WDR49: variants seen among roughly 807,000 people sequenced by gnomAD.
WDR49 encodes WD repeat domain 49.
In WDR49, 107 loss-of-function variants were observed where a neutral mutation model predicts 119.5. The ratio of observed to expected loss-of-function variants is 0.90; its 90% CI spans 0.77 to 1.05. The LOEUF (loss-of-function observed/expected upper bound fraction) is 1.05, where lower values mean the gene tolerates loss of function less well. Ranked by LOEUF, WDR49 falls within the 50% of genes least tolerant of loss-of-function variation. WDR49 has a pLI of 0.00. For missense variants in WDR49, 1,240 were observed against 1,220.5 expected, an observed-to-expected ratio of 1.02 and a Z score of -0.24; for synonymous variants, 425 against 418.8, an observed-to-expected ratio of 1.01 and a Z score of -0.18.
intron 13 of WDR49, among the ~76,000 whole-genome samples, chr3:167,530,900 CTGGA>C (rs1371980519): frequency 3.9e-5 from 6 of 152,182 alleles, no homozygotes; most frequent in South Asian, 2.1e-4. Flanking sequence ...ATATACAACA[CTGGA>C]TAAATTAGTA....
At chr3:167,548,311 T>C (rs184186502) in intron 10 of WDR49, among the ~76,000 whole-genome samples, 1 of 152,146 alleles carries the variant, frequency 6.6e-6, no homozygotes, top group Non-Finnish European at 1.5e-5. Context: ...TCGGCACTTG[T>C]ACAGTTTGAT....
chr3:167,548,549 CTA>C (rs1034214762), intron 10 of WDR49, among the ~76,000 whole-genome samples: 1 of 151,892 alleles, frequency 6.6e-6, no homozygotes. Flanking sequence ...CTTAAGTAGT[CTA>C]TTTTATTATA....
At chr3:167,523,376 T>C (rs1043545789) in intron 15 of WDR49, among the ~76,000 whole-genome samples, 3 of 144,644 alleles carry the variant, frequency 2.1e-5, no homozygotes, top group African/African-American at 7.8e-5. Context: ...AGGAATGACA[T>C]ACATTCTTTT....
intron 18 of WDR49, among the ~76,000 whole-genome samples, chr3:167,495,349 T>TAC (rs1454713104): frequency 3.5e-5 from 5 of 143,536 alleles, no homozygotes; most frequent in Non-Finnish European, 7.5e-5. Flanking sequence ...ACTGAAAGTA[T>TAC]ATAAATATGT....
At chr3:167,635,025 G>C (rs1288795257) in intron 2 of WDR49, among the ~76,000 whole-genome samples, 4 of 151,456 alleles carry the variant, frequency 2.6e-5, no homozygotes, top group Non-Finnish European at 4.4e-5. Flanking sequence ...TTTAATGGCT[G>C]CACAATATTT....
intron 2 of WDR49, among the ~76,000 whole-genome samples, chr3:167,630,189 C>T (rs1356657313): frequency 1.3e-5 from 2 of 152,034 alleles, no homozygotes; most frequent in Middle Eastern, 3.2e-3. Context: ...ATTGCCACAG[C>T]CGTCTCAATC....
chr3:167,581,146 C>A (rs1229449741), intron 7 of WDR49, among the ~76,000 whole-genome samples: 1 of 152,070 alleles, frequency 6.6e-6, no homozygotes, highest in Non-Finnish European at 1.5e-5. Context: ...TATATTAAGG[C>A]AAATAAATTT....
rs78313311 is a variant in WDR49, at chr3:167,621,006, GC to G, written c.784-404del. 8.2e-3 allele frequency among the ~76,000 whole-genome samples: 1,251 copies of G among 152,102 alleles called. 89 individuals carry two copies. The East Asian group carries it at 0.17, about 21-fold the overall frequency. ...TATCCAATATCTAGGTTTCAGAGCT[GC>G]CCTCTCTAATCCTTTTGTTATATGA... On this transcript the variant is annotated intron_variant, in intron 4 of 18. Transcript: ENST00000682715.
intron 16 of WDR49, among the ~76,000 whole-genome samples, chr3:167,514,628 GACACACACACACACACAC>G (rs59265631): frequency 1.7e-4 from 24 of 141,034 alleles, no homozygotes; most frequent in Middle Eastern, 7.1e-3. Flanking sequence ...AGGAGATGCA[GACACACACACACACACAC>G]ACACACACAC....
upstream of WDR49, among the ~76,000 whole-genome samples, chr3:167,655,585 T>G (rs1718573624): frequency 6.6e-6 from 1 of 152,154 alleles, no homozygotes; most frequent in African/African-American, 2.4e-5. Context: ...CTCATTATTC[T>G]TTCAAAAAAA....
chr3:167,648,745 C>T (rs1270582665), intron 2 of WDR49, among the ~76,000 whole-genome samples: 1 of 152,164 alleles, frequency 6.6e-6, no homozygotes, highest in Non-Finnish European at 1.5e-5. Flanking sequence ...CCCTAGTGCT[C>T]TCCACTGCTA....
chr3:167,550,531 C>T (rs934917429), intron 10 of WDR49, among the ~76,000 whole-genome samples: 1 of 151,736 alleles, frequency 6.6e-6, no homozygotes, highest in Non-Finnish European at 1.5e-5. Context: ...GAGATAAAAC[C>T]TTCATAAACA....
rs1015251239 is a variant in WDR49 at position 167,569,826 on chromosome 3, C to T, written c.1509+6092G>A. On this transcript the variant is annotated intron_variant, in intron 8 of 18. Transcript: ENST00000682715. ...TAAACATTGTGGAAGTCGTAAAACT[C>T]GTTGTCTACAGGACAGGAAACTGAG... Among the ~76,000 whole-genome samples the T allele has an allele frequency of 4.6e-5, 7 of 152,104 alleles. No homozygotes were observed. In the East Asian group the frequency reaches 9.6e-4, roughly 21 times the overall value.
rs1751726129 is a variant in WDR49 at position 167,505,374 on chromosome 3, C to T, written c.2817G>A (p.Lys939=). ...TTTCTTTCATGCAGGTACTTCTTTCCTTATATTTTATATCTAAATTTATAT... is the reference window on the plus strand; with the variant it reads ...TTTCTTTCATGCAGGTACTTCTTTCTTTATATTTTATATCTAAATTTATAT... ...SEDINLDIKY[K]ERSTCMKETQ... Residue 939 remains lysine (K), a synonymous_variant, in exon 17 of 19, where the codon AAG becomes AAA. Coordinates refer to ENST00000682715, the MANE Select transcript of WDR49 (RefSeq NM_001366157.1). The T allele has an allele frequency of 6.6e-7, 1 of 1,525,292 alleles. No individual in the cohort carries two copies. Among genetic ancestry groups the T allele is most frequent in the Admixed American group, 2.4e-5 (1 of 41,800 alleles). The allele number at this position is 1,525,292 out of a possible 1,614,324, so 94.5% of individuals were successfully genotyped here.
intron 16 of WDR49, among the ~76,000 whole-genome samples, chr3:167,506,439 C>T (rs1177896091): frequency 1.3e-5 from 2 of 152,096 alleles, no homozygotes; most frequent in Non-Finnish European, 2.9e-5. Context: ...CCGTATCTTC[C>T]AATTTTAAAA....
intron 17 of WDR49, among the ~76,000 whole-genome samples, chr3:167,505,061 T>G (rs544462739): frequency 5.3e-4 from 80 of 152,338 alleles, no homozygotes; most frequent in Non-Finnish European, 9.3e-4. Flanking sequence ...TTTATAGCAA[T>G]GCAAGAGTGG....
chr3:167,504,530 T>C (rs1751695053), intron 17 of WDR49, among the ~76,000 whole-genome samples: 1 of 152,228 alleles, frequency 6.6e-6, no homozygotes, highest in African/African-American at 2.4e-5. Context: ...TGAAAGTAAA[T>C]GACTTTTTTA....
intron 17 of WDR49, among the ~76,000 whole-genome samples, chr3:167,503,502 T>C (rs990271235): frequency 6.6e-6 from 1 of 152,204 alleles, no homozygotes; most frequent in Non-Finnish European, 1.5e-5. Context: ...ATAGCTCTAT[T>C]AGAAGCCGTG....
intron 7 of WDR49, among the ~76,000 whole-genome samples, chr3:167,587,404 A>G (rs1192087583): frequency 2.6e-5 from 4 of 152,226 alleles, no homozygotes; most frequent in Non-Finnish European, 5.9e-5. Flanking sequence ...CTGTCAACAT[A>G]TAACTATTGA....
Sources: gnomAD v4.1 joint callset for allele counts (sites outside exome capture counted in the v4.1 genomes callset) on GRCh38, gnomAD v4.1.1 for gene constraint, MANE v1.5 for transcripts, NCBI Gene and HGNC (gene_info 2026-07-23, HGNC 2026-07-21) for gene names.